The following KRT40 variants were observed in gnomAD, a reference collection of about 807,000 sequenced individuals.
The protein encoded by KRT40 is keratin, type I cytoskeletal 40.
KRT40 carries 47 observed loss-of-function variants against 43.5 expected under a neutral mutation model. That is an observed-to-expected ratio of 1.08 (90% CI 0.86 to 1.38). KRT40 has a LOEUF of 1.38. KRT40 is among the 40% of genes most tolerant of loss of function. KRT40 has a pLI of 0.00. For missense variants in KRT40, 573 were observed against 523.6 expected (o/e 1.09, Z -0.92); for synonymous variants, 212 against 214.0 (o/e 0.99, Z 0.08).
At position 40,981,139 on chromosome 17, in the gene KRT40, G is replaced by A. The variant is rs1199818637; in HGVS notation, c.700C>T (p.Leu234Phe). 7.4e-6 allele frequency: 12 copies of A among 1,613,692 alleles called. No homozygotes were observed. In the Admixed American group the frequency reaches 2.0e-4, roughly 27 times the overall value. Residue 234 changes from leucine (L) to phenylalanine (F), a missense_variant, in exon 4 of 7, where the codon CTT becomes TTT. Coordinates refer to ENST00000377755, the MANE Select transcript of KRT40 (RefSeq NM_001389244.1). ...KKNHEEEVNL[L>F]REQLGDRLSV... is the part of the protein sequence containing the mutation. Reference sequence around the variant, plus strand: ...AGGCGGTCGCCAAGCTGTTCACGAAGCAAGTTGACTTCCTGAAAGTGGGAT... The same window carrying A: ...AGGCGGTCGCCAAGCTGTTCACGAAACAAGTTGACTTCCTGAAAGTGGGAT...
chr17:40,985,005 G>T (rs930548105), upstream of KRT40, among the ~76,000 whole-genome samples: 2 of 152,094 alleles, frequency 1.3e-5, no homozygotes, highest in African/African-American at 2.4e-5. Context: ...CCTGAAACTT[G>T]CCTTCTCCAC....
At chr17:40,984,411 G>A (rs1423853924), upstream of KRT40, 2 of 639,016 alleles carry the variant, frequency 3.1e-6, no homozygotes, top group South Asian at 2.0e-5. Context: ...ATCACTGATG[G>A]TGCCAGTTTT....
Position 40,981,054 on chromosome 17 carries a change from C to A in KRT40, c.785G>T (p.Arg262Leu), listed in dbSNP as rs141073602. Reference protein sequence around the residue: ...LDLNRVLDEMRCQCETVLANN... With the variant: ...LDLNRVLDEMLCQCETVLANN... Reference sequence around the variant, plus strand: ...GGCAAGCACCGTTTCACACTGACAGCGCATCTCATCCAGGACCCTGTTGAG... The same window carrying A: ...GGCAAGCACCGTTTCACACTGACAGAGCATCTCATCCAGGACCCTGTTGAG... Residue 262 changes from arginine (R) to leucine (L), a missense_variant, in exon 4 of 7, where the codon CGC becomes CTC. Physicochemically the swap from Arg to Leu is moderately radical, Grantham distance 102. Coordinates refer to ENST00000377755, the MANE Select transcript of KRT40 (RefSeq NM_001389244.1). 2 of 1,614,126 alleles carry A rather than the reference C, an allele frequency of 1.2e-6. No individual in the cohort carries two copies. The highest frequency in any genetic ancestry group is 2.2e-5 in the East Asian group (1 of 44,898).
chr17:40,986,435 C>CTCT (rs1912471557), upstream of KRT40: 1 of 152,214 alleles, frequency 6.6e-6, no homozygotes, highest in African/African-American at 2.4e-5. Flanking sequence ...CACACAAACC[C>CTCT]TCTTCAGCAC....
In KRT40 at chr17:40,984,178, A is replaced by T; in HGVS notation, c.96T>A (p.Ala32=). The change falls in exon 1 of 7, where the codon GCT becomes GCA. Residue 32 remains alanine (A), a synonymous_variant. Coordinates refer to ENST00000377755, the MANE Select transcript of KRT40 (RefSeq NM_001389244.1). Reference sequence around the variant, plus strand: ...ATGTAGCACAGGTACCGGGGAGACAAGCTGTTTCCACGGAGCAGCTTGAGG... The same window carrying T: ...ATGTAGCACAGGTACCGGGGAGACATGCTGTTTCCACGGAGCAGCTTGAGG... ...APASSCSVET[A]CLPGTCATSR... The T allele has an allele frequency of 4.3e-6, 7 of 1,614,120 alleles. No individual in the cohort carries two copies. Among genetic ancestry groups the T allele is most frequent in the Non-Finnish European group, 5.9e-6 (7 of 1,180,026 alleles).
chr17:40,982,225 G>T (rs11078974), intron 3 of KRT40, 82 bp downstream of exon 3: 2 of 1,298,598 alleles, frequency 1.5e-6, no homozygotes, highest in Non-Finnish European at 1.0e-6. Flanking sequence ...GCCCAAATTC[G>T]ATTTACAAAC....
At chr17:40,982,877 G>A (rs1292103842) in intron 2 of KRT40, among the ~76,000 whole-genome samples, 169 bp downstream of exon 2, 2 of 151,990 alleles carry the variant, frequency 1.3e-5, no homozygotes, top group Non-Finnish European at 2.9e-5. Context: ...GGCGGTGCAC[G>A]CCTGCCTGTA....
At chr17:40,985,311 G>C (rs1167841084), upstream of KRT40, among the ~76,000 whole-genome samples, 2 of 152,066 alleles carry the variant, frequency 1.3e-5, no homozygotes, top group African/African-American at 4.8e-5. Flanking sequence ...GAAATCTCTG[G>C]TGCCAAATCT....
Position 40,978,209 on chromosome 17 carries a change from G to A in KRT40, c.1284C>T (p.Asn428=), listed in dbSNP as rs1911892026. ...CTGTCCTTAACATTCACAAGCAGCA[G>A]TTTTCAACAGTGCAGATGACATAGG... ...CSAYVICTVE[N]CCL The change falls in exon 7 of 7, where the codon AAC becomes AAT. Residue 428 remains asparagine (N), a synonymous_variant. Coordinates refer to ENST00000377755, the MANE Select transcript of KRT40 (RefSeq NM_001389244.1). The A allele has an allele frequency of 1.9e-6, 3 of 1,613,420 alleles. No individual in the cohort carries two copies. The highest frequency in any genetic ancestry group is 1.7e-6 in the Non-Finnish European group (2 of 1,179,372).
At position 40,984,045 on chromosome 17, in the gene KRT40, A is replaced by C. The variant is rs751773622; in HGVS notation, c.229T>G (p.Cys77Gly). 1.5e-5 allele frequency: 25 copies of C among 1,614,112 alleles called. No individual in the cohort carries two copies. The highest frequency in any genetic ancestry group is 1.0e-4 in the Admixed American group (6 of 60,004). Residue 77 changes from cysteine (C) to glycine (G), a missense_variant, in exon 1 of 7, where the codon TGT becomes GGT. Transcript: ENST00000377755. ...AACACCCCATCCTCACACCAGGCAC[A>C]GTTCCCCACCAAGCAGGGACTATTA... is the stretch of plus-strand genomic sequence containing the variant. The part of the protein sequence containing the change: ...SCNSPCLVGN[C>G]AWCEDGVFTS...
In KRT40 at chr17:40,981,073, T is replaced by C. The variant is rs201342914; in HGVS notation, c.766A>G (p.Arg256Gly). The part of the protein sequence containing the change: ...LDTAPTLDLN[R>G]VLDEMRCQCE... ...TGACAGCGCATCTCATCCAGGACCC[T>C]GTTGAGGTCAAGGGTGGGGGCAGTG... is the stretch of plus-strand genomic sequence containing the variant. Residue 256 changes from arginine to glycine, a missense_variant, in exon 4 of 7, where the codon AGG (arginine) becomes GGG (glycine). Arg to Gly is a moderately radical substitution (Grantham distance 125). Coordinates refer to ENST00000377755, the MANE Select transcript of KRT40 (RefSeq NM_001389244.1). 123 of 1,614,120 alleles carry C rather than the reference T, an allele frequency of 7.6e-5. No individual in the cohort carries two copies. In the African/African-American group the frequency reaches 1.5e-3, roughly 20 times the overall value.
At position 40,984,031 on chromosome 17, in the gene KRT40, C is replaced by T; in HGVS notation, c.243G>A (p.Glu81=). The change falls in exon 1 of 7, where the codon GAG becomes GAA. Residue 81 remains glutamate, a synonymous_variant. Transcript: ENST00000377755. ...PCLVGNCAWC[E]DGVFTSNEKE... ...TCTCATTGCTAGTGAACACCCCATC[C>T]TCACACCAGGCACAGTTCCCCACCA... 6.2e-7 allele frequency: 1 copy of T among 1,614,078 alleles called. No individual in the cohort carries two copies. The highest frequency in any genetic ancestry group is 1.3e-5 in the African/African-American group (1 of 75,012).
chr17:40,983,941 C>T lies in KRT40; in HGVS notation c.333G>A (p.Glu111=), dbSNP rs1597922362. The T allele has an allele frequency of 6.2e-7, 1 of 1,614,106 alleles. No individual in the cohort carries two copies. Among genetic ancestry groups the T allele is most frequent in the Non-Finnish European group, 8.5e-7 (1 of 1,180,016 alleles). ...ASYLEKVRSL[E]ETNAELESRI... ...TGGATTCCAGCTCTGCGTTGGTCTC[C>T]TCCAGGCTGCGCACCTTCTCCAGAT... The change falls in exon 1 of 7, where the codon GAG becomes GAA. Residue 111 remains glutamate (E), a synonymous_variant. Coordinates refer to ENST00000377755, the MANE Select transcript of KRT40 (RefSeq NM_001389244.1).
chr17:40,986,129 T>C (rs1005353224), upstream of KRT40, among the ~76,000 whole-genome samples: 4 of 152,204 alleles, frequency 2.6e-5, no homozygotes, highest in African/African-American at 9.7e-5. Context: ...TGTGGAGTCC[T>C]CCTTAGGGAA....
At chr17:40,986,214 A>G (rs1382967261), upstream of KRT40, 1 of 152,364 alleles carries the variant, frequency 6.6e-6, no homozygotes, top group Non-Finnish European at 1.5e-5. Flanking sequence ...ATGTATACAT[A>G]TATAACTAAC....
Position 40,978,004 on chromosome 17 carries a change from C to T in KRT40, c.*193G>A, listed in dbSNP as rs1453588036. 1.8e-6 allele frequency: 1 copy of T among 547,330 alleles called. No individual in the cohort carries two copies. The highest frequency in any genetic ancestry group is 3.0e-5 in the Admixed American group (1 of 32,982). The allele number at this position is 547,330 out of a possible 1,614,324, so 33.9% of individuals were successfully genotyped here. A position where few individuals can be genotyped will look rare whatever the true frequency, so the allele number is the denominator to read the frequency against. On this transcript the variant is annotated 3_prime_UTR_variant, in exon 7 of 7. Coordinates refer to ENST00000377755, the MANE Select transcript of KRT40 (RefSeq NM_001389244.1). ...GAGATGAGCAAGAATGCTTTATGGG[C>T]TTCCAGTATACCACAAATAAGCCGG...
Position 40,978,818 on chromosome 17 carries a change from G to A in KRT40, c.1182C>T (p.Asp394=), listed in dbSNP as rs576266695. Residue 394 remains aspartate, a synonymous_variant, in exon 6 of 7, where the codon GAC becomes GAT. Coordinates refer to ENST00000377755, the MANE Select transcript of KRT40 (RefSeq NM_001389244.1). ...GEINTYWGLL[D]SEDSRLSCSP... Reference sequence around the variant, plus strand: ...GTGGAACTTGCCTGCTGTCCTCGCTGTCCAGCAGGCCCCAGTACGTGTTGA... The same window carrying A: ...GTGGAACTTGCCTGCTGTCCTCGCTATCCAGCAGGCCCCAGTACGTGTTGA... 10 of 1,612,292 alleles carry A rather than the reference G, an allele frequency of 6.2e-6. No homozygotes were observed. In the South Asian group the frequency reaches 1.1e-4, roughly 18 times the overall value.
rs778187410 is a variant in KRT40 at position 40,978,869 on chromosome 17, G to A, written c.1131C>T (p.Asp377=). Reference sequence around the variant, plus strand: ...TCTCACCCTCCAGCCGGGCCTTCACGTCCAGGAGCACCTGGTACTCCTGGT... The same window carrying A: ...TCTCACCCTCCAGCCGGGCCTTCACATCCAGGAGCACCTGGTACTCCTGGT... ...RQNQEYQVLL[D]VKARLEGEIN... The change falls in exon 6 of 7, where the codon GAC becomes GAT. Residue 377 remains aspartate (D), a synonymous_variant. Coordinates refer to ENST00000377755, the MANE Select transcript of KRT40 (RefSeq NM_001389244.1). 18 of 1,612,072 alleles carry A rather than the reference G, an allele frequency of 1.1e-5. No individual in the cohort carries two copies. The highest frequency in any genetic ancestry group is 6.6e-5 in the South Asian group (6 of 90,858).
intron 5 of KRT40, among the ~76,000 whole-genome samples, chr17:40,979,322 T>C (rs1005341635): frequency 2.0e-5 from 3 of 152,082 alleles, no homozygotes; most frequent in Admixed American, 1.3e-4. Flanking sequence ...GAGACCATCC[T>C]GGCTAACACG....
Sources: allele counts gnomAD v4.1 joint callset (sites outside exome capture counted in the v4.1 genomes callset), GRCh38; gene constraint gnomAD v4.1.1; transcripts MANE v1.5; gene names NCBI Gene and HGNC (gene_info 2026-07-23, HGNC 2026-07-21).